The following OGG1 variants were observed in gnomAD, a reference collection of about 807,000 sequenced individuals.
OGG1 encodes the protein N-glycosylase/DNA lyase.
OGG1 carries 35 observed loss-of-function variants against 42.3 expected under a neutral mutation model. That is an observed-to-expected ratio of 0.83 (90% CI 0.63 to 1.10). The LOEUF (loss-of-function observed/expected upper bound fraction) is 1.10, where lower values mean the gene tolerates loss of function less well. Among genes scored for constraint, OGG1 ranks in the 50% least tolerant of loss-of-function variants. The probability of loss-of-function intolerance (pLI) is 0.00; values close to 1 mark genes in which losing one functional copy is unlikely to be tolerated. For missense variants in OGG1, 484 were observed against 446.7 expected, an observed-to-expected ratio of 1.08 and a Z score of -0.75; for synonymous variants, 189 against 179.0, an observed-to-expected ratio of 1.06 and a Z score of -0.44.
In OGG1 at chr3:9,750,009, A is replaced by G; in HGVS notation, c.-278A>G. ...GAAGAACACAGCTGTGCGCGCCCAC[A>G]GGCTCTGGGGGCGGGAGAAGATAAG... is the stretch of plus-strand genomic sequence containing the variant. On this transcript the variant is annotated 5_prime_UTR_variant, in exon 1 of 7. Coordinates refer to ENST00000344629, the MANE Select transcript of OGG1 (RefSeq NM_002542.6). 2 of 503,796 alleles carry G rather than the reference A, an allele frequency of 4.0e-6. No individual in the cohort carries two copies. The highest frequency in any genetic ancestry group is 7.1e-6 in the Non-Finnish European group (2 of 280,118). 31.2% of individuals were successfully genotyped at this position (503,796 alleles called of 1,614,324 possible). A position where few individuals can be genotyped will look rare whatever the true frequency, so the allele number is the denominator to read the frequency against.
rs780924322 is a variant in OGG1 at position 9,750,378 on chromosome 3, C to G, written c.92C>G (p.Ser31Cys). The G allele has an allele frequency of 8.1e-6, 13 of 1,613,982 alleles. No individual in the cohort carries two copies. The highest frequency in any genetic ancestry group is 1.7e-5 in the Admixed American group (1 of 60,014). Residue 31 changes from serine (S) to cysteine (C), a missense_variant, in exon 1 of 7, where the codon TCT becomes TGT. Ser to Cys is a moderately radical substitution (Grantham distance 112, BLOSUM62 -1). Transcript: ENST00000344629. ...ALWASIPCPR[S>C]ELRLDLVLPS... ...TGGGCCTCCATCCCGTGCCCTCGCT[C>G]TGAGCTGCGCCTGGACCTGGTTCTG...
chr3:9,759,723 T>TC (rs1243111641), downstream of OGG1: 1 of 1,614,040 alleles, frequency 6.2e-7, no homozygotes, highest in African/African-American at 1.3e-5. Context: ...TGGGTCCTTC[T>TC]CCATCAAGTG....
intron 2 of OGG1, chr3:9,780,408 G>A (rs1227965391): frequency 6.2e-7 from 1 of 1,613,670 alleles, no homozygotes; most frequent in Non-Finnish European, 8.5e-7. Context: ...GAGTCTTCCA[G>A]GCCTGGTCCT....
intron 3 of OGG1, chr3:9,787,143 T>C: frequency 6.2e-7 from 1 of 1,614,136 alleles, no homozygotes; most frequent in South Asian, 1.1e-5. Context: ...GGAGGTGGGC[T>C]GAAGTTCTGG....
chr3:9,755,465 CTT>C (rs60075191), intron 4 of OGG1, among the ~76,000 whole-genome samples: 34 of 136,322 alleles, frequency 2.5e-4, no homozygotes, highest in Non-Finnish European at 2.1e-4. Flanking sequence ...AGGCATTTGT[CTT>C]TTTTTTTTTT....
At chr3:9,751,464 T>C (rs1241481008) in intron 2 of OGG1, among the ~76,000 whole-genome samples, 2 of 152,186 alleles carry the variant, frequency 1.3e-5, no homozygotes, top group African/African-American at 4.8e-5. Context: ...ATTTCATTCA[T>C]TCTGTAAATA....
At chr3:9,761,824 G>T (rs546193931), downstream of OGG1, 1 of 1,582,694 alleles carries the variant, frequency 6.3e-7, no homozygotes, top group Admixed American at 1.7e-5. Context: ...ACCTTCTGCC[G>T]CTCCAAGCAC....
chr3:9,787,617 G>A (rs527262040), intron 3 of OGG1: 1 of 1,221,312 alleles, frequency 8.2e-7, no homozygotes, highest in Non-Finnish European at 1.1e-6. Context: ...GATTGTCTCA[G>A]GTCACAGCAA....
Position 9,751,886 on chromosome 3 carries a change from C to G in OGG1, c.502C>G (p.Pro168Ala), listed in dbSNP as rs1397168159. The change falls in exon 3 of 7, where the codon CCT becomes GCT. Residue 168 changes from proline to alanine, a missense_variant. Physicochemically the swap from Pro to Ala is conservative, Grantham distance 27. Transcript: ENST00000344629. Reference sequence around the variant, plus strand: ...GGAGCGGCTGTGCCAGGCTTTTGGACCTCGGCTCATCCAGCTTGATGATGT... The same window carrying G: ...GGAGCGGCTGTGCCAGGCTTTTGGAGCTCGGCTCATCCAGCTTGATGATGT... ...MVERLCQAFG[P>A]RLIQLDDVTY... 6.2e-7 allele frequency: 1 copy of G among 1,614,208 alleles called. No individual in the cohort carries two copies.
chr3:9,751,944 T>C lies in OGG1; in HGVS notation c.560T>C (p.Leu187Pro). Reference sequence around the variant, plus strand: ...CATGGCTTCCCCAGCCTGCAGGCCCTGGCTGGTGAGTAGGTGGGTCCCCTG... The same window carrying C: ...CATGGCTTCCCCAGCCTGCAGGCCCCGGCTGGTGAGTAGGTGGGTCCCCTG... ...TYHGFPSLQA[L>P]AGPEVEAHLR... The change falls in exon 3 of 7, where the codon CTG becomes CCG. Residue 187 changes from leucine to proline, a missense_variant. Physicochemically the swap from Leu to Pro is moderately conservative, Grantham distance 98. Transcript: ENST00000344629. 6.2e-7 allele frequency: 1 copy of C among 1,614,016 alleles called. No individual in the cohort carries two copies. The highest frequency in any genetic ancestry group is 8.5e-7 in the Non-Finnish European group (1 of 1,179,886).
chr3:9,784,135 G>T (rs777694424), intron 3 of OGG1: 32 of 1,614,094 alleles, frequency 2.0e-5, no homozygotes, highest in Non-Finnish European at 2.6e-5. Context: ...CCTCTGCGGG[G>T]CGGTCCTCAG....
chr3:9,757,200 C>T lies in OGG1; in HGVS notation c.*50C>T. ...TCCCCAAGCACCTTCCCCTCCATTCCCCACTTCTCTCTCCCCATCCCCACC... is the reference window on the plus strand; with the variant it reads ...TCCCCAAGCACCTTCCCCTCCATTCTCCACTTCTCTCTCCCCATCCCCACC... On this transcript the variant is annotated 3_prime_UTR_variant, in exon 7 of 7. Coordinates refer to ENST00000344629, the MANE Select transcript of OGG1 (RefSeq NM_002542.6). The surrounding 1 kb of genome is among the most constrained non-coding windows in gnomAD (Gnocchi z 4.5). The T allele has an allele frequency of 6.2e-7, 1 of 1,613,780 alleles. No individual in the cohort carries two copies. Among genetic ancestry groups the T allele is most frequent in the Non-Finnish European group, 8.5e-7 (1 of 1,179,792 alleles).
At chr3:9,761,347 G>T, downstream of OGG1, 1 of 1,051,472 alleles carries the variant, frequency 9.5e-7, no homozygotes, top group Non-Finnish European at 1.4e-6. Flanking sequence ...TTGGTGGAAG[G>T]AAGGGAGGGA....
At chr3:9,787,084 A>G (rs759482474) in intron 3 of OGG1, 1 of 1,614,254 alleles carries the variant, frequency 6.2e-7, no homozygotes, top group Admixed American at 1.7e-5. Flanking sequence ...GCTGGGCCTC[A>G]GACTTCTTCA....
chr3:9,789,619 A>G (rs746107814), downstream of OGG1: 1 of 1,613,722 alleles, frequency 6.2e-7, no homozygotes, highest in Admixed American at 1.7e-5. Flanking sequence ...CAGAACCTGC[A>G]GGGAGAAGCA....
chr3:9,750,126 C>A lies in OGG1; in HGVS notation c.-161C>A. On this transcript the variant is annotated 5_prime_UTR_variant, in exon 1 of 7. Transcript: ENST00000344629. The stretch of plus-strand genomic sequence containing the variant: ...GATGACCCGCAAAGGGCGAGGCATG[C>A]AGGAGGTGGAGGAATTAAGTGAAAC... The A allele has an allele frequency of 1.1e-6, 1 of 912,954 alleles. No homozygotes were observed. Among genetic ancestry groups the A allele is most frequent in the Non-Finnish European group, 1.6e-6 (1 of 613,092 alleles). The allele number at this position is 912,954 out of a possible 1,614,324, so 56.6% of individuals were successfully genotyped here. A position where few individuals can be genotyped will look rare whatever the true frequency, so the allele number is the denominator to read the frequency against.
Position 9,750,280 on chromosome 3 carries a change from T to A in OGG1, c.-7T>A. 6.2e-7 allele frequency: 1 copy of A among 1,608,782 alleles called. No homozygotes were observed. Among genetic ancestry groups the A allele is most frequent in the Non-Finnish European group, 8.5e-7 (1 of 1,177,038 alleles). On this transcript the variant is annotated 5_prime_UTR_variant, in exon 1 of 7. Coordinates refer to ENST00000344629, the MANE Select transcript of OGG1 (RefSeq NM_002542.6). Reference sequence around the variant, plus strand: ...GGGGCTACTACGGGGCGGTGCCTGCTGTGGAAATGCCTGCCCGCGCGCTTC... The same window carrying A: ...GGGGCTACTACGGGGCGGTGCCTGCAGTGGAAATGCCTGCCCGCGCGCTTC...
intron 7 of OGG1, among the ~76,000 whole-genome samples, chr3:9,765,100 G>A (rs192709991): frequency 2.3e-4 from 35 of 151,808 alleles, no homozygotes; most frequent in African/African-American, 3.9e-4. Flanking sequence ...GGTGGCAGGT[G>A]CCTGTAATCC....
At chr3:9,759,212 T>C, downstream of OGG1, 6 of 1,614,178 alleles carry the variant, frequency 3.7e-6, no homozygotes, top group Non-Finnish European at 5.1e-6. Context: ...ACCACTTTTA[T>C]GACCTTTCTC....
Sources: gnomAD v4.1 joint callset for allele counts (sites outside exome capture counted in the v4.1 genomes callset) on GRCh38, gnomAD v4.1.1 for gene constraint, Gnocchi (gnomAD v3.1) non-coding constraint, MANE v1.5 for transcripts, NCBI Gene and HGNC (gene_info 2026-07-23, HGNC 2026-07-21) for gene names.